The following PRMT8 variants were observed in gnomAD, a reference collection of about 807,000 sequenced individuals.
PRMT8 encodes the protein protein arginine methyltransferase 8.
Under a neutral mutation model 47.1 loss-of-function variants are expected in PRMT8, and 7 were observed. The ratio of observed to expected loss-of-function variants is 0.15; its 90% CI spans 0.08 to 0.28. The LOEUF is 0.28. PRMT8 is among the 10% of genes least tolerant of loss of function. The pLI is 1.00. For missense variants in PRMT8, 237 were observed against 505.4 expected (o/e 0.47, Z 5.09); for synonymous variants, 188 against 186.5 (o/e 1.01, Z -0.07).
intron 3 of PRMT8, chr12:3,551,651 C>T (rs944044341): frequency 3.9e-5 from 6 of 152,264 alleles, no homozygotes; most frequent in Non-Finnish European, 1.5e-5. Context: ...TGCCTCCCGC[C>T]CTTTTCTCTA....
chr12:3,453,412 T>C lies in PRMT8; in HGVS notation c.48+71970T>C, dbSNP rs940721926. Among the ~76,000 whole-genome samples the C allele has an allele frequency of 6.6e-6, 1 of 152,094 alleles. No individual in the cohort carries two copies. The highest frequency in any genetic ancestry group is 1.5e-5 in the Non-Finnish European group (1 of 68,012). The stretch of plus-strand genomic sequence containing the variant: ...CGCCGTCAGCAGGTGAGGGAGCGCA[T>C]GGGGAATGCAGATTCCCAGGCCAGC... On this transcript the variant is annotated intron_variant, in intron 1 of 9. Coordinates refer to the PRMT8 transcript ENST00000452611. The surrounding 1 kb of genome is among the most constrained non-coding windows in gnomAD (Gnocchi z 4.9).
rs57504454 is a variant in PRMT8, at chr12:3,437,622, CTATATATATA to C, written c.48+56200_48+56209del. ...ATTCCCTTTCTGGTGTGCATTCAGGCTATATATATATATATATATATATATATATTGCATT... is the reference window on the plus strand; with the variant it reads ...ATTCCCTTTCTGGTGTGCATTCAGGCTATATATATATATATATATTGCATT... On this transcript the variant is annotated intron_variant, in intron 1 of 9. Coordinates refer to the PRMT8 transcript ENST00000452611. Among the ~76,000 whole-genome samples, 145 of 142,720 alleles carry C rather than the reference CTATATATATA, an allele frequency of 1.0e-3. 1 individual carries two copies. Among genetic ancestry groups the C allele is most frequent in the African/African-American group, 2.0e-3 (75 of 36,914 alleles). 93.6% of individuals were successfully genotyped at this position (142,720 alleles called of 152,430 possible).
Position 3,508,661 on chromosome 12 carries a change from G to C in PRMT8, c.75+16961G>C, listed in dbSNP as rs1865667802. On this transcript the variant is annotated intron_variant, in intron 1 of 9. Transcript: ENST00000382622. The surrounding 1 kb of genome is among the most constrained non-coding windows in gnomAD (Gnocchi z 4.9). ...AGGCAGGGTTCTGGTCACCTTCTCT[G>C]CCTGCTGTCTCCGGGTGACCCCATC... Among the ~76,000 whole-genome samples, 1 of 152,084 alleles carries C rather than the reference G, an allele frequency of 6.6e-6. No individual in the cohort carries two copies. Among genetic ancestry groups the C allele is most frequent in the Admixed American group, 6.5e-5 (1 of 15,280 alleles).
rs1865453578 is a variant in PRMT8, at chr12:3,493,326, T to TGAAAGG, written c.75+1628_75+1629insAAGGGA. 6.6e-6 allele frequency among the ~76,000 whole-genome samples: 1 copy of TGAAAGG among 152,230 alleles called. No homozygotes were observed. The highest frequency in any genetic ancestry group is 6.5e-5 in the Admixed American group (1 of 15,286). ...ACCATTCCCCTCACCCTCCGCCCTC[T>TGAAAGG]GATCGCCCACCCGCCGAAAGGGTTT... On this transcript the variant is annotated intron_variant, in intron 1 of 9. Transcript: ENST00000382622. This position sits in a 1 kb window ranked among gnomAD's most constrained non-coding sequence, Gnocchi z 8.2.
intron 1 of PRMT8, among the ~76,000 whole-genome samples, chr12:3,527,580 C>T (rs187547645): frequency 9.2e-5 from 14 of 152,194 alleles, no homozygotes; most frequent in African/African-American, 1.7e-4. Context: ...AAACCTTCAA[C>T]GATATATCAC....
rs1865666168 is a variant in PRMT8, at chr12:3,508,524, G to A, written c.75+16824G>A. Among the ~76,000 whole-genome samples, 1 of 152,166 alleles carries A rather than the reference G, an allele frequency of 6.6e-6. No homozygotes were observed. Among genetic ancestry groups the A allele is most frequent in the Admixed American group, 6.5e-5 (1 of 15,274 alleles). ...GCCGGGCGTGGGAATAGTTGAGGGA[G>A]AGTCTTGTAAAGATAGATCCGAGTT... On this transcript the variant is annotated intron_variant, in intron 1 of 9. Transcript: ENST00000382622. This position sits in a 1 kb window ranked among gnomAD's most constrained non-coding sequence, Gnocchi z 4.9.
chr12:3,508,974 C>G lies in PRMT8; in HGVS notation c.75+17274C>G, dbSNP rs1865671751. 6.6e-6 allele frequency among the ~76,000 whole-genome samples: 1 copy of G among 152,188 alleles called. No homozygotes were observed. Among genetic ancestry groups the G allele is most frequent in the Non-Finnish European group, 1.5e-5 (1 of 68,024 alleles). ...ATCTGAAATGTTTCTCCTCTTTGTCCTGAATCTGTCCTCCCCATTCCAGGC... is the reference window on the plus strand; with the variant it reads ...ATCTGAAATGTTTCTCCTCTTTGTCGTGAATCTGTCCTCCCCATTCCAGGC... On this transcript the variant is annotated intron_variant, in intron 1 of 9. Transcript: ENST00000382622. The surrounding 1 kb of genome is among the most constrained non-coding windows in gnomAD (Gnocchi z 4.9).
At chr12:3,579,101 C>G (rs1403193144) in intron 7 of PRMT8, among the ~76,000 whole-genome samples, 2 of 152,118 alleles carry the variant, frequency 1.3e-5, no homozygotes, top group African/African-American at 4.8e-5. Flanking sequence ...GAAAGTATGC[C>G]CCCAGCAAGA....
chr12:3,585,744 G>T (rs1280350080), intron 8 of PRMT8, among the ~76,000 whole-genome samples: 1 of 152,050 alleles, frequency 6.6e-6, no homozygotes, highest in Admixed American at 6.6e-5. Flanking sequence ...CCTGATCTGG[G>T]TCATTATCAG....
In PRMT8 at chr12:3,497,476, T is replaced by C. The variant is rs144654483; in HGVS notation, c.75+5776T>C. The stretch of plus-strand genomic sequence containing the variant: ...TTGCAATCTGAGTCACCTTCGTTTA[T>C]GTTATTCTAAAAAGAGATGAAAACT... On this transcript the variant is annotated intron_variant, in intron 1 of 9. Coordinates refer to ENST00000382622, the MANE Select transcript of PRMT8 (RefSeq NM_019854.5). Among the ~76,000 whole-genome samples the C allele has an allele frequency of 2.1e-3, 315 of 152,358 alleles. 2 individuals are homozygous for C. The highest frequency in any genetic ancestry group is 7.5e-3 in the African/African-American group (311 of 41,586).
At chr12:3,521,403 G>A (rs1026055339) in intron 1 of PRMT8, among the ~76,000 whole-genome samples, 11 of 150,720 alleles carry the variant, frequency 7.3e-5, no homozygotes, top group African/African-American at 2.7e-4. Context: ...ACGAAACCCC[G>A]TCTCTACTAA....
intron 1 of PRMT8, among the ~76,000 whole-genome samples, chr12:3,507,614 T>A (rs1335742482): frequency 6.6e-6 from 1 of 152,122 alleles, no homozygotes; most frequent in African/African-American, 2.4e-5. Flanking sequence ...TTAAGGCATG[T>A]TCTCTATTAA....
intron 1 of PRMT8, among the ~76,000 whole-genome samples, chr12:3,496,747 G>A (rs16930523): frequency 0.033 from 4,954 of 152,090 alleles, 241 homozygotes; most frequent in African/African-American, 0.11. Flanking sequence ...TATCCTGCTA[G>A]CTTTTAGGAG....
chr12:3,517,985 A>G (rs1239398986), intron 1 of PRMT8, among the ~76,000 whole-genome samples: 1 of 151,900 alleles, frequency 6.6e-6, no homozygotes, highest in Admixed American at 6.6e-5. Flanking sequence ...ACAAGAGGAG[A>G]TGGGTTATGC....
At chr12:3,478,347 G>T (rs1472447928) in intron 1 of PRMT8, among the ~76,000 whole-genome samples, 1 of 151,368 alleles carries the variant, frequency 6.6e-6, no homozygotes, top group Non-Finnish European at 1.5e-5. Context: ...TAATCATGAG[G>T]TTATAGATGA....
intron 1 of PRMT8, among the ~76,000 whole-genome samples, chr12:3,522,817 GA>G (rs1428964001): frequency 2.0e-5 from 3 of 151,118 alleles, no homozygotes; most frequent in African/African-American, 7.3e-5. Context: ...AAAAAAAACA[GA>G]AAAAAATGAA....
In PRMT8 at chr12:3,569,059, G is replaced by A. The variant is rs554484242; in HGVS notation, c.624+211G>A. On this transcript the variant is annotated intron_variant, in intron 5 of 9. Coordinates refer to ENST00000382622, the MANE Select transcript of PRMT8 (RefSeq NM_019854.5). This position sits in a 1 kb window ranked among gnomAD's most constrained non-coding sequence, Gnocchi z 8.2. ...TGTGTAACCATCAGAGTGGACTTCC[G>A]TGGGTCTCACCGCAGCCTCTTTTGC... is the stretch of plus-strand genomic sequence containing the variant. Among the ~76,000 whole-genome samples, 443 of 152,216 alleles carry A rather than the reference G, an allele frequency of 2.9e-3. 3 individuals are homozygous for A. The highest frequency in any genetic ancestry group is 4.2e-3 in the Non-Finnish European group (286 of 67,948).
At chr12:3,507,451 A>G (rs1865648140) in intron 1 of PRMT8, among the ~76,000 whole-genome samples, 1 of 152,176 alleles carries the variant, frequency 6.6e-6, no homozygotes, top group Admixed American at 6.5e-5. Flanking sequence ...TGGGTCTCCC[A>G]GAAAATGAAA....
Position 3,573,923 on chromosome 12 carries a change from C to G in PRMT8, c.713-2948C>G, listed in dbSNP as rs140262491. The stretch of plus-strand genomic sequence containing the variant: ...TAATGTGATTTATTTGTATCCTACT[C>G]CATCTCTGCTCCACTTCTGATAAAA... On this transcript the variant is annotated intron_variant, in intron 6 of 9. Transcript: ENST00000382622. 56 of 152,258 alleles carry G rather than the reference C, an allele frequency of 3.7e-4. 1 individual carries two copies. The East Asian group carries it at 9.8e-3, about 27-fold the overall frequency. 9.4% of individuals were successfully genotyped at this position (152,258 alleles called of 1,614,324 possible). A position where few individuals can be genotyped will look rare whatever the true frequency, so the allele number is the denominator to read the frequency against.
Sources: allele counts gnomAD v4.1 joint callset (sites outside exome capture counted in the v4.1 genomes callset), GRCh38; gene constraint gnomAD v4.1.1; non-coding constraint Gnocchi (gnomAD v3.1); transcripts MANE v1.5; gene names NCBI Gene and HGNC (gene_info 2026-07-23, HGNC 2026-07-21).